AP3D1: variants seen among roughly 807,000 people sequenced by gnomAD.
AP3D1 encodes the protein AP-3 complex subunit delta-1.
A neutral mutation model predicts 147.6 loss-of-function variants in AP3D1; 51 were observed. The ratio of observed to expected loss-of-function variants is 0.35; its 90% CI spans 0.28 to 0.44. The LOEUF is 0.44. Ranked by LOEUF, AP3D1 falls within the 20% of genes least tolerant of loss-of-function variation. The probability of loss-of-function intolerance (pLI) is 1.00; values close to 1 mark genes in which losing one functional copy is unlikely to be tolerated. For synonymous variants in AP3D1, 760 were observed against 663.0 expected, an observed-to-expected ratio of 1.15 and a Z score of -2.25; for missense variants, 1,421 against 1,624.2, an observed-to-expected ratio of 0.87 and a Z score of 2.15.
intron 1 of AP3D1, 35 bp from the exon 2 acceptor site, chr19:2,138,749 T>A: frequency 6.8e-7 from 1 of 1,472,818 alleles, no homozygotes; most frequent in Non-Finnish European, 9.5e-7. Flanking sequence ...ATTACAAACA[T>A]CCAGCTAAGA....
At chr19:2,112,711 A>G in intron 24 of AP3D1, 149 bp downstream of exon 24, 1 of 580,646 alleles carries the variant, frequency 1.7e-6, no homozygotes, top group Non-Finnish European at 3.0e-6. Flanking sequence ...CAAGACCACA[A>G]CCACAACAAA....
intron 1 of AP3D1, among the ~76,000 whole-genome samples, chr19:2,142,167 A>G (rs1035142476): frequency 2.0e-5 from 3 of 151,926 alleles, no homozygotes; most frequent in African/African-American, 7.3e-5. Flanking sequence ...ACAAGCAGGT[A>G]CTACCACGCC....
chr19:2,121,121 C>T (rs751573011), intron 13 of AP3D1, 29 bp from the exon 14 acceptor site: 40 of 1,613,570 alleles, frequency 2.5e-5, no homozygotes, highest in Non-Finnish European at 3.1e-5. Flanking sequence ...GAGTGAGCGG[C>T]GCCACGGAAC....
intron 1 of AP3D1, among the ~76,000 whole-genome samples, chr19:2,141,115 G>A (rs1346362125): frequency 6.6e-6 from 1 of 152,094 alleles, no homozygotes; most frequent in East Asian, 1.9e-4. Context: ...AGACCCAAAA[G>A]ATTATATTAT....
chr19:2,127,149 C>T lies in AP3D1; in HGVS notation c.856+3G>A, dbSNP rs748688560. On this transcript the variant is annotated splice_donor_region_variant and intron_variant, in intron 9 of 31. Coordinates refer to ENST00000643116, the MANE Select transcript of AP3D1 (RefSeq NM_001261826.3). ...TCCAGATGGGGAGAGTGCCAGTTCTCACCTGCAATCACGGTGTTCACACAT... is the reference window on the plus strand; with the variant it reads ...TCCAGATGGGGAGAGTGCCAGTTCTTACCTGCAATCACGGTGTTCACACAT... 14 of 1,613,972 alleles carry T rather than the reference C, an allele frequency of 8.7e-6. No homozygotes were observed. The Admixed American group carries it at 2.2e-4, about 25-fold the overall frequency.
chr19:2,118,623 G>A lies in AP3D1; in HGVS notation c.1691C>T (p.Ala564Val). 3 of 1,610,970 alleles carry A rather than the reference G, an allele frequency of 1.9e-6. No homozygotes were observed. The highest frequency in any genetic ancestry group is 2.5e-6 in the Non-Finnish European group (3 of 1,179,932). The change falls in exon 15 of 32, where the codon GCA becomes GTA. Residue 564 changes from alanine (A) to valine (V), a missense_variant. This residue lies in a region of AP3D1 where 310 missense variants were observed against 388.1 expected (regional missense o/e 0.80). Transcript: ENST00000643116. The part of the protein sequence containing the change: ...VDRLPQFVQS[A>V]DLEVQERASC... ...TACCCGCTCCTGCACCTCCAGGTCT[G>A]CGCTCTGCACAAACTGGGGCAGCCG...
chr19:2,112,662 T>C (rs1247043174), intron 24 of AP3D1, 198 bp downstream of exon 24: 2 of 550,442 alleles, frequency 3.6e-6, no homozygotes, highest in Admixed American at 3.6e-5. Flanking sequence ...CTATGAGACT[T>C]ATGAACCATG....
chr19:2,148,751 G>A (rs949167810), intron 1 of AP3D1, among the ~76,000 whole-genome samples: 9 of 152,204 alleles, frequency 5.9e-5, no homozygotes, highest in Non-Finnish European at 2.9e-5. Context: ...AACCTCATGC[G>A]ATTTCTACTC....
At chr19:2,148,109 T>C (rs917020977) in intron 1 of AP3D1, among the ~76,000 whole-genome samples, 15 of 137,308 alleles carry the variant, frequency 1.1e-4, no homozygotes, top group African/African-American at 4.0e-4. Context: ...ATCGCACCAC[T>C]GCACTGCAGC....
chr19:2,152,242 A>ATT (rs2019552733), upstream of AP3D1, among the ~76,000 whole-genome samples: 1 of 152,012 alleles, frequency 6.6e-6, no homozygotes. Flanking sequence ...AGATTGTAAA[A>ATT]AAAAGCTCTG....
Position 2,138,726 on chromosome 19 carries a change from G to A in AP3D1, c.97-12C>T, listed in dbSNP as rs1473207726. 6.4e-7 allele frequency: 1 copy of A among 1,572,474 alleles called. No homozygotes were observed. Among genetic ancestry groups the A allele is most frequent in the East Asian group, 2.2e-5 (1 of 44,658 alleles). On this transcript the variant is annotated splice_polypyrimidine_tract_variant and intron_variant, in intron 1 of 31. Coordinates refer to ENST00000643116, the MANE Select transcript of AP3D1 (RefSeq NM_001261826.3). ...GATATGTATTTTGCCTATAATGGGGGATAAACACAGAGATTACAAACATCC... is the reference window on the plus strand; with the variant it reads ...GATATGTATTTTGCCTATAATGGGGAATAAACACAGAGATTACAAACATCC...
intron 9 of AP3D1, among the ~76,000 whole-genome samples, chr19:2,124,371 G>A (rs1315484707): frequency 6.6e-6 from 1 of 152,166 alleles, no homozygotes; most frequent in Non-Finnish European, 1.5e-5. Context: ...CAACATCCCC[G>A]GAGCCATTCC....
intron 1 of AP3D1, among the ~76,000 whole-genome samples, 187 bp downstream of exon 1, chr19:2,151,052 A>T (rs1048059223): frequency 3.3e-5 from 5 of 152,226 alleles, no homozygotes; most frequent in African/African-American, 4.8e-5. Context: ...GGGGAAACTG[A>T]TGCTGGGGGA....
chr19:2,160,147 C>A lies in AP3D1; in HGVS notation c.-103+4209G>T, dbSNP rs932665669. Among the ~76,000 whole-genome samples, 5 of 152,278 alleles carry A rather than the reference C, an allele frequency of 3.3e-5. No individual in the cohort carries two copies. In the South Asian group the frequency reaches 8.3e-4, roughly 25 times the overall value. ...TACAGGCGTGAGCCACCGTGCCCAG[C>A]CTTCTAATTTTTGCAAAGGCAGTTT... is the stretch of plus-strand genomic sequence containing the variant. On this transcript the variant is annotated intron_variant, in intron 1 of 14. Transcript: ENST00000643010.
chr19:2,136,595 C>T (rs779178601), intron 4 of AP3D1, among the ~76,000 whole-genome samples: 10 of 152,156 alleles, frequency 6.6e-5, no homozygotes, highest in South Asian at 2.1e-4. Flanking sequence ...AAATGCACCT[C>T]GTGGGACTCA....
intron 4 of AP3D1, among the ~76,000 whole-genome samples, chr19:2,136,028 A>G (rs796457361): frequency 4.8e-5 from 7 of 144,546 alleles, no homozygotes; most frequent in Admixed American, 2.7e-4. Context: ...ACGACCCAAG[A>G]AGACTCCCGC....
In AP3D1 at chr19:2,134,759, G is replaced by C. The variant is rs1017645638; in HGVS notation, c.355-2181C>G. Among the ~76,000 whole-genome samples, 8 of 151,366 alleles carry C rather than the reference G, an allele frequency of 5.3e-5. No individual in the cohort carries two copies. In the South Asian group the frequency reaches 1.7e-3, roughly 32 times the overall value. On this transcript the variant is annotated intron_variant, in intron 4 of 31. Coordinates refer to ENST00000643116, the MANE Select transcript of AP3D1 (RefSeq NM_001261826.3). ...TGGGATTATAGGCACGCACCACCAC[G>C]CCCGGCTAATTTTGTATTTTTAGTA... is the stretch of plus-strand genomic sequence containing the variant.
Position 2,118,555 on chromosome 19 carries a change from T to A in AP3D1, c.1713+46A>T, listed in dbSNP as rs200955552. ...TGGCCGCCACTGGACAGAAAGGCAC[T>A]GAGGGCTCCCTGAGGCTCGGCCCAA... is the stretch of plus-strand genomic sequence containing the variant. On this transcript the variant is annotated intron_variant, in intron 15 of 31. Transcript: ENST00000643116. 4.0e-4 allele frequency: 621 copies of A among 1,565,922 alleles called. 2 individuals are homozygous for A. The African/African-American group carries it at 7.7e-3, about 20-fold the overall frequency.
chr19:2,133,647 G>A (rs1037136192), intron 4 of AP3D1, among the ~76,000 whole-genome samples: 1 of 152,122 alleles, frequency 6.6e-6, no homozygotes, highest in African/African-American at 2.4e-5. Flanking sequence ...GGGATTACAG[G>A]TGCGTGTCAC....
Sources: allele counts gnomAD v4.1 joint callset (sites outside exome capture counted in the v4.1 genomes callset), GRCh38; gene constraint gnomAD v4.1.1; regional missense constraint gnomAD v4.1.1; transcripts MANE v1.5; gene names NCBI Gene and HGNC (gene_info 2026-07-23, HGNC 2026-07-21).